VTA1: variants seen among roughly 807,000 people sequenced by gnomAD.
The protein encoded by VTA1 is vesicle trafficking 1.
A neutral mutation model predicts 36.9 loss-of-function variants in VTA1; 24 were observed. The observed-to-expected ratio is 0.65, with a 90% confidence interval of 0.47 to 0.91. The LOEUF is 0.91. VTA1 is among the 40% of genes least tolerant of loss of function. The pLI is 0.00. For synonymous variants in VTA1, 142 were observed against 130.2 expected (o/e 1.09, Z -0.62); for missense variants, 393 against 377.2 (o/e 1.04, Z -0.35).
chr6:142,192,912 G>A (rs1454423036), intron 5 of VTA1, among the ~76,000 whole-genome samples: 2 of 152,058 alleles, frequency 1.3e-5, no homozygotes, highest in Non-Finnish European at 2.9e-5. Context: ...TTCCTCAGAA[G>A]AGTGGCATTC....
At chr6:142,209,397 T>C (rs1160379568) in intron 7 of VTA1, among the ~76,000 whole-genome samples, 1 of 150,600 alleles carries the variant, frequency 6.6e-6, no homozygotes. Flanking sequence ...TGTGTATATA[T>C]TAATAACTAA....
In VTA1 at chr6:142,204,042, C is replaced by A. The variant is rs1481338707; in HGVS notation, c.755C>A (p.Ala252Glu). 6.2e-7 allele frequency: 1 copy of A among 1,613,466 alleles called. No homozygotes were observed. Among genetic ancestry groups the A allele is most frequent in the African/African-American group, 1.3e-5 (1 of 74,872 alleles). Residue 252 changes from alanine (A) to glutamate (E), a missense_variant, in exon 7 of 8, where the codon GCA becomes GAA. Transcript: ENST00000367630. ...CAGACTATACCTGCCATTGATCCCG[C>A]ACTTTTCAATACAATTTCCCAGGGT... ...TPQTIPAIDPALFNTISQGDV... is the reference protein window; with the variant it reads ...TPQTIPAIDPELFNTISQGDV...
intron 4 of VTA1, among the ~76,000 whole-genome samples, chr6:142,184,489 T>A (rs918980500): frequency 4.6e-5 from 7 of 152,188 alleles, no homozygotes; most frequent in Non-Finnish European, 8.8e-5. Flanking sequence ...CTTGACTCAT[T>A]CATCTCATGT....
chr6:142,199,139 T>TG (rs1467869041), intron 6 of VTA1, among the ~76,000 whole-genome samples: 1 of 59,056 alleles, frequency 1.7e-5, no homozygotes, highest in Non-Finnish European at 6.3e-5. Context: ...GGGATTCGGA[T>TG]TTTTTTTTTT....
intron 5 of VTA1, among the ~76,000 whole-genome samples, chr6:142,194,441 ATT>A (rs762348563): frequency 6.6e-6 from 1 of 152,166 alleles, no homozygotes; most frequent in East Asian, 1.9e-4. Context: ...TTTCAGCGGT[ATT>A]TTAGATTTTT....
At chr6:142,182,404 A>G (rs966433998) in intron 4 of VTA1, among the ~76,000 whole-genome samples, 5 of 152,186 alleles carry the variant, frequency 3.3e-5, no homozygotes, top group Admixed American at 6.6e-5. Context: ...TTTTTAAAGT[A>G]TTGTTCCCTT....
intron 6 of VTA1, among the ~76,000 whole-genome samples, chr6:142,201,795 TTCAC>T (rs2114676767): frequency 6.6e-6 from 1 of 152,060 alleles, no homozygotes; most frequent in East Asian, 1.9e-4. Context: ...ACACTAAGGT[TTCAC>T]TCATTCTTTC....
chr6:142,172,770 G>A (rs976928501), intron 4 of VTA1, among the ~76,000 whole-genome samples: 1 of 152,146 alleles, frequency 6.6e-6, no homozygotes, highest in Non-Finnish European at 1.5e-5. Flanking sequence ...GTAGAACTTT[G>A]GAGAGTACCA....
At chr6:142,179,540 T>A (rs1365742673) in intron 4 of VTA1, among the ~76,000 whole-genome samples, 3 of 152,066 alleles carry the variant, frequency 2.0e-5, no homozygotes, top group African/African-American at 2.4e-5. Flanking sequence ...ACTGCTGATA[T>A]AACCTACAAC....
At chr6:142,215,624 T>G (rs1019338607) in intron 7 of VTA1, among the ~76,000 whole-genome samples, 1 of 152,068 alleles carries the variant, frequency 6.6e-6, no homozygotes, top group Non-Finnish European at 1.5e-5. Flanking sequence ...TCCATCCAAG[T>G]CAAAGGATAA....
chr6:142,181,094 A>AAAAAAAATATATATATATATAT (rs1471429927), intron 4 of VTA1, among the ~76,000 whole-genome samples: 10 of 36,422 alleles, frequency 2.7e-4, no homozygotes, highest in South Asian at 1.4e-3. Context: ...AAAAAAAAAA[A>AAAAAAAATATATATATATATAT]ATATATATAT....
intron 4 of VTA1, among the ~76,000 whole-genome samples, chr6:142,175,350 C>G (rs60048448): frequency 2.0e-5 from 3 of 151,860 alleles, no homozygotes; most frequent in Admixed American, 2.0e-4. Context: ...ATTTGCCAGT[C>G]CTACTTTGTA....
intron 4 of VTA1, among the ~76,000 whole-genome samples, chr6:142,182,900 A>C (rs1775269494): frequency 1.3e-5 from 2 of 152,218 alleles, no homozygotes; most frequent in Non-Finnish European, 2.9e-5. Context: ...TGTAGAAAGA[A>C]GAGACAAGGA....
chr6:142,162,528 G>A (rs1562256540), intron 1 of VTA1, among the ~76,000 whole-genome samples: 1 of 152,144 alleles, frequency 6.6e-6, no homozygotes, highest in Non-Finnish European at 1.5e-5. Context: ...GGTTGTCTTC[G>A]AGATTAAAGT....
chr6:142,192,687 G>T lies in VTA1; in HGVS notation c.520+3153G>T, dbSNP rs115258587. Among the ~76,000 whole-genome samples the T allele has an allele frequency of 1.9e-3, 246 of 126,990 alleles. 1 individual carries two copies. Among genetic ancestry groups the T allele is most frequent in the African/African-American group, 6.8e-3 (235 of 34,394 alleles). The allele number at this position is 126,990 out of a possible 152,430, so 83.3% of individuals were successfully genotyped here. On this transcript the variant is annotated intron_variant, in intron 5 of 7. Coordinates refer to ENST00000367630, the MANE Select transcript of VTA1 (RefSeq NM_016485.5). ...CACACATAAAAAACAAAGGACATGA[G>T]GTTATTTTATATATTTGTGTGTGTG...
Position 142,221,365 on chromosome 6 carries a change from G to A in VTA1, c.*2722G>A, listed in dbSNP as rs1467536788. 1 of 152,152 alleles carries A rather than the reference G, an allele frequency of 6.6e-6. No individual in the cohort carries two copies. Among genetic ancestry groups the A allele is most frequent in the African/African-American group, 2.4e-5 (1 of 41,394 alleles). 9.4% of individuals were successfully genotyped at this position (152,152 alleles called of 1,614,324 possible). On this transcript the variant is annotated 3_prime_UTR_variant, in exon 8 of 8. Coordinates refer to ENST00000367630, the MANE Select transcript of VTA1 (RefSeq NM_016485.5). Reference sequence around the variant, plus strand: ...CCTGAGGTAACATTTGAGCAAAGAAGGAAAAGAGTAACTAGTATGCAGATA... The same window carrying A: ...CCTGAGGTAACATTTGAGCAAAGAAAGAAAAGAGTAACTAGTATGCAGATA...
At chr6:142,186,113 G>A (rs1004530737) in intron 4 of VTA1, among the ~76,000 whole-genome samples, 1 of 152,164 alleles carries the variant, frequency 6.6e-6, no homozygotes, top group African/African-American at 2.4e-5. Flanking sequence ...AAACCTTTCT[G>A]AGGAAGTGGC....
intron 6 of VTA1, among the ~76,000 whole-genome samples, chr6:142,199,104 A>G (rs1171882172): frequency 6.6e-6 from 1 of 151,890 alleles, no homozygotes; most frequent in South Asian, 2.1e-4. Context: ...CTCAGTAACA[A>G]TGAAATCATA....
chr6:142,154,286 T>G (rs977845511), intron 1 of VTA1, among the ~76,000 whole-genome samples: 1 of 152,124 alleles, frequency 6.6e-6, no homozygotes, highest in Non-Finnish European at 1.5e-5. Context: ...TCATTTGGCA[T>G]AATCTCTGGA....
Sources: gnomAD v4.1 joint callset for allele counts (sites outside exome capture counted in the v4.1 genomes callset) on GRCh38, gnomAD v4.1.1 for gene constraint, MANE v1.5 for transcripts, NCBI Gene and HGNC (gene_info 2026-07-23, HGNC 2026-07-21) for gene names.